Variants in METTL2A observed in about 807,000 individuals in gnomAD.
METTL2A encodes methyltransferase 2A, tRNA N3-cytidine.
METTL2A carries 45 observed loss-of-function variants against 49.4 expected under a neutral mutation model. The ratio of observed to expected loss-of-function variants is 0.91; its 90% CI spans 0.72 to 1.17. The LOEUF is 1.17. Among genes scored for constraint, METTL2A ranks in the 50% most tolerant of loss-of-function variants. The pLI is 0.00. For missense variants in METTL2A, 361 were observed against 462.2 expected, an observed-to-expected ratio of 0.78 and a Z score of 2.01; for synonymous variants, 118 against 167.5, an observed-to-expected ratio of 0.70 and a Z score of 2.28.
chr17:62,453,346 A>G lies in METTL2A; in HGVS notation c.*4617A>G, dbSNP rs1371911645. ...TTGTTGGGAGGGATTAAAGTATATGACCTCAGTGCCACTTAAAAAATAAAT... is the reference window on the plus strand; with the variant it reads ...TTGTTGGGAGGGATTAAAGTATATGGCCTCAGTGCCACTTAAAAAATAAAT... On this transcript the variant is annotated 3_prime_UTR_variant, in exon 9 of 9. Coordinates refer to ENST00000311506, the MANE Select transcript of METTL2A (RefSeq NM_181725.4). Among the ~76,000 whole-genome samples, 2 of 152,086 alleles carry G rather than the reference A, an allele frequency of 1.3e-5. No individual in the cohort carries two copies. Among genetic ancestry groups the G allele is most frequent in the Non-Finnish European group, 2.9e-5 (2 of 68,028 alleles).
At chr17:62,428,960 A>AT (rs2070646559) in intron 4 of METTL2A, among the ~76,000 whole-genome samples, 1 of 151,884 alleles carries the variant, frequency 6.6e-6, no homozygotes, top group African/African-American at 2.4e-5. Context: ...ATTTTTGTTT[A>AT]TTTTTTGTAG....
At chr17:62,424,477 C>T (rs1427091487) in intron 2 of METTL2A, among the ~76,000 whole-genome samples, 167 bp downstream of exon 2, 2 of 152,106 alleles carry the variant, frequency 1.3e-5, no homozygotes, top group African/African-American at 2.4e-5. Flanking sequence ...GAGAAAAGGG[C>T]TGCATTGTAA....
chr17:62,447,607 C>T, intron 7 of METTL2A, 94 bp from the exon 8 acceptor site: 1 of 1,396,672 alleles, frequency 7.2e-7, no homozygotes, highest in Non-Finnish European at 1.0e-6. Flanking sequence ...GTGCTCTCCA[C>T]CCAACAAACT....
At chr17:62,442,420 C>T (rs571300256) in intron 6 of METTL2A, among the ~76,000 whole-genome samples, 3 of 152,134 alleles carry the variant, frequency 2.0e-5, no homozygotes, top group East Asian at 1.9e-4. Flanking sequence ...GGATTACAGA[C>T]AAGCACCACC....
At chr17:62,439,664 A>AC (rs56195030) in intron 5 of METTL2A, among the ~76,000 whole-genome samples, 152,048 of 152,052 alleles carry the variant, frequency 1, 76,022 homozygotes, top group Middle Eastern at 1. Context: ...CCATCTCCTG[A>AC]CTCATGATCC....
chr17:62,424,167 C>G (rs2070606391), intron 1 of METTL2A, 52 bp from the exon 2 acceptor site: 1 of 1,613,156 alleles, frequency 6.2e-7, no homozygotes, highest in Non-Finnish European at 8.5e-7. Context: ...GCGACTCACC[C>G]TGCCCGCAGC....
intron 4 of METTL2A, among the ~76,000 whole-genome samples, chr17:62,429,543 G>A (rs2070650758): frequency 1.3e-5 from 2 of 151,514 alleles, no homozygotes; most frequent in South Asian, 2.1e-4. Context: ...CACCTGCCTC[G>A]GCCTCCCAAA....
intron 5 of METTL2A, among the ~76,000 whole-genome samples, chr17:62,437,462 A>C (rs2144146556): frequency 6.6e-6 from 1 of 152,162 alleles, no homozygotes; most frequent in African/African-American, 2.4e-5. Context: ...ACGCGGCCCC[A>C]ACGTGCTTGC....
intron 5 of METTL2A, among the ~76,000 whole-genome samples, chr17:62,440,272 G>A (rs1027977479): frequency 3.3e-5 from 5 of 152,014 alleles, no homozygotes; most frequent in East Asian, 1.9e-4. Flanking sequence ...TGATCCTCCC[G>A]CCTTGGCCTC....
chr17:62,450,303 C>T lies in METTL2A; in HGVS notation c.*1574C>T, dbSNP rs2070798382. 7.5e-6 allele frequency: 1 copy of T among 133,766 alleles called. No homozygotes were observed. Among genetic ancestry groups the T allele is most frequent in the African/African-American group, 3.1e-5 (1 of 32,138 alleles). The allele number at this position is 133,766 out of a possible 1,614,324, so 8.3% of individuals were successfully genotyped here. On this transcript the variant is annotated 3_prime_UTR_variant, in exon 9 of 9. Transcript: ENST00000311506. ...AGGAGACAGGGCTCTCACTTTGTTG[C>T]CCAGGCTGGAGTTCAGTGGTGCAAT...
At chr17:62,447,659 G>A in intron 7 of METTL2A, 42 bp from the exon 8 acceptor site, 1 of 1,609,678 alleles carries the variant, frequency 6.2e-7, no homozygotes, top group Non-Finnish European at 8.5e-7. Flanking sequence ...AGTCAAAGAA[G>A]TGCTTTTAAG....
intron 7 of METTL2A, among the ~76,000 whole-genome samples, chr17:62,445,868 T>C (rs140818891): frequency 0.034 from 5,118 of 151,540 alleles, 302 homozygotes; most frequent in African/African-American, 0.12. Context: ...CCATTAAAAA[T>C]GTAAAAGGCA....
chr17:62,426,514 C>T lies in METTL2A; in HGVS notation c.418C>T (p.Gln140Ter), dbSNP rs2070627992. The T allele has an allele frequency of 6.2e-7, 1 of 1,610,656 alleles. No individual in the cohort carries two copies. The highest frequency in any genetic ancestry group is 1.7e-5 in the Admixed American group (1 of 59,824). ...EDGPGLIMEEQHKCSSKSLEH... is the reference protein window; with the variant it reads ...EDGPGLIMEE ...TGGACCTGGTTTAATAATGGAAGAA[C>T]AGCACAAGTGTTCTTCAAAGAGCCT... is the stretch of plus-strand genomic sequence containing the variant. The change falls in exon 3 of 9, where the codon CAG (glutamine) becomes TAG (stop). Residue 140 changes from glutamine (Q) to a stop codon, truncating the protein, a stop_gained. Transcript: ENST00000311506. LOFTEE classifies it high-confidence loss of function.
chr17:62,428,353 A>T (rs1032418679), intron 4 of METTL2A, among the ~76,000 whole-genome samples: 1 of 152,206 alleles, frequency 6.6e-6, no homozygotes, highest in African/African-American at 2.4e-5. Flanking sequence ...AACGCTTCTG[A>T]CACCAAATGT....
intron 5 of METTL2A, among the ~76,000 whole-genome samples, chr17:62,439,430 G>GTTTT (rs2070723172): frequency 6.7e-6 from 1 of 149,042 alleles, no homozygotes; most frequent in African/African-American, 2.5e-5. Flanking sequence ...TTGTTTGTTT[G>GTTTT]TTTGTTTTTG....
Position 62,448,769 on chromosome 17 carries a change from T to A in METTL2A, c.*40T>A. ...CAACACGATGCAAGCCCATTGTGTT[T>A]CCGGGCTTTTTTAAAAAAAAAATTG... On this transcript the variant is annotated 3_prime_UTR_variant, in exon 9 of 9. Coordinates refer to ENST00000311506, the MANE Select transcript of METTL2A (RefSeq NM_181725.4). 1 of 1,603,486 alleles carries A rather than the reference T, an allele frequency of 6.2e-7. No individual in the cohort carries two copies. The highest frequency in any genetic ancestry group is 8.5e-7 in the Non-Finnish European group (1 of 1,174,118).
rs779415614 is a variant in METTL2A at position 62,444,860 on chromosome 17, T to C, written c.833T>C (p.Leu278Pro). 1.2e-6 allele frequency: 2 copies of C among 1,613,960 alleles called. No individual in the cohort carries two copies. Among genetic ancestry groups the C allele is most frequent in the South Asian group, 2.2e-5 (2 of 91,076 alleles). ...PDKMQKAINR[L>P]SRLLKPGGMM... ...AGGATGCAGAAGGCTATCAACAGGC[T>C]GAGCAGGCTTCTGAAACCTGGCGGG... Residue 278 changes from leucine to proline, a missense_variant, in exon 7 of 9, where the codon CTG becomes CCG. This residue lies in a region of METTL2A where 183 missense variants were observed against 216.5 expected (regional missense o/e 0.85). Transcript: ENST00000311506.
At chr17:62,448,544 A>T (rs749467545) in intron 8 of METTL2A, 31 bp from the exon 9 acceptor site, 2 of 1,607,910 alleles carry the variant, frequency 1.2e-6, no homozygotes, top group East Asian at 4.5e-5. Flanking sequence ...GAGGGGAAAA[A>T]TGCATAAACA....
chr17:62,425,532 G>A (rs1223783385), intron 2 of METTL2A, among the ~76,000 whole-genome samples: 12 of 149,482 alleles, frequency 8.0e-5, no homozygotes, highest in Non-Finnish European at 1.8e-4. Flanking sequence ...GACTACAGGT[G>A]TGCACCACCA....
Sources: allele counts gnomAD v4.1 joint callset (sites outside exome capture counted in the v4.1 genomes callset), GRCh38; gene constraint gnomAD v4.1.1; regional missense constraint gnomAD v4.1.1; transcripts MANE v1.5; gene names NCBI Gene and HGNC (gene_info 2026-07-23, HGNC 2026-07-21).